The following BCKDHB variants were observed in gnomAD, a reference collection of about 807,000 sequenced individuals.
The protein encoded by BCKDHB is 2-oxoisovalerate dehydrogenase subunit beta, mitochondrial.
BCKDHB carries 41 observed loss-of-function variants against 48.5 expected under a neutral mutation model. That is an observed-to-expected ratio of 0.85 (90% CI 0.66 to 1.10). BCKDHB has a LOEUF of 1.10. BCKDHB is among the 50% of genes least tolerant of loss of function. The probability of loss-of-function intolerance (pLI) is 0.00; values close to 1 mark genes in which losing one functional copy is unlikely to be tolerated. For missense variants in BCKDHB, 496 were observed against 494.2 expected, an observed-to-expected ratio of 1.00 and a Z score of -0.03; for synonymous variants, 201 against 174.8, an observed-to-expected ratio of 1.15 and a Z score of -1.18.
In BCKDHB at chr6:80,343,400, G is replaced by A. The variant is rs73751605; in HGVS notation, c.1039-264G>A. 0.017 allele frequency among the ~76,000 whole-genome samples: 2,536 copies of A among 152,132 alleles called. 67 individuals are homozygous for A. Among genetic ancestry groups the A allele is most frequent in the African/African-American group, 0.058 (2,394 of 41,484 alleles). ...TTTCCATTTATATTCGTAGAACAGC[G>A]TATTTGATATTATCCCAGTTTGGCT... is the stretch of plus-strand genomic sequence containing the variant. On this transcript the variant is annotated intron_variant, in intron 9 of 9. Transcript: ENST00000320393.
the BCKDHB span, among the ~76,000 whole-genome samples, chr6:80,389,900 C>T: frequency 1.3e-5 from 2 of 152,158 alleles, no homozygotes; most frequent in Non-Finnish European, 2.9e-5. Context: ...CTCACCATCA[C>T]CCCTAGTGAT....
At chr6:80,357,776 C>A in the BCKDHB span, among the ~76,000 whole-genome samples, 1 of 152,152 alleles carries the variant, frequency 6.6e-6, no homozygotes, top group Non-Finnish European at 1.5e-5. Context: ...CTCTGAAAGT[C>A]TTCAGTTTTC....
Position 80,106,680 on chromosome 6 carries a change from G to C in BCKDHB, c.-14G>C. On this transcript the variant is annotated 5_prime_UTR_variant, in exon 1 of 10. Coordinates refer to ENST00000320393, the MANE Select transcript of BCKDHB (RefSeq NM_183050.4). ...TGCGGCTGCATAGCCTGAGAATCCC[G>C]GTGGTGAGCGGGGATGGCGGTTGTA... The C allele has an allele frequency of 8.4e-6, 13 of 1,550,814 alleles. No individual in the cohort carries two copies. Among genetic ancestry groups the C allele is most frequent in the Non-Finnish European group, 1.1e-5 (13 of 1,147,736 alleles).
At chr6:80,452,294 G>A in the BCKDHB span, among the ~76,000 whole-genome samples, 10 of 152,204 alleles carry the variant, frequency 6.6e-5, no homozygotes, top group African/African-American at 2.4e-4. Flanking sequence ...ACATGGCAAA[G>A]GCAGGGAATC....
At chr6:80,278,712 C>T (rs1056697518) in intron 9 of BCKDHB, among the ~76,000 whole-genome samples, 3 of 152,182 alleles carry the variant, frequency 2.0e-5, no homozygotes, top group Non-Finnish European at 2.9e-5. Context: ...GCACCTGCCA[C>T]CCTGCCCAGC....
At chr6:80,167,886 C>T in intron 4 of BCKDHB, 75 bp downstream of exon 4, 1 of 1,409,926 alleles carries the variant, frequency 7.1e-7, no homozygotes. Context: ...TCCACCCACC[C>T]TTACCTGCAT....
At chr6:80,291,378 ATTCTTGAG>A (rs1030873283) in intron 9 of BCKDHB, among the ~76,000 whole-genome samples, 1 of 152,198 alleles carries the variant, frequency 6.6e-6, no homozygotes, top group African/African-American at 2.4e-5. Context: ...GCCATTTATA[ATTCTTGAG>A]TTCTGACAGA....
intron 9 of BCKDHB, among the ~76,000 whole-genome samples, chr6:80,293,755 C>T (rs1371514219): frequency 1.3e-5 from 2 of 152,206 alleles, no homozygotes; most frequent in East Asian, 1.9e-4. Flanking sequence ...TTTAACAGCA[C>T]CCAAGTCACC....
the BCKDHB span, among the ~76,000 whole-genome samples, chr6:80,431,744 C>T: frequency 6.6e-6 from 1 of 152,184 alleles, no homozygotes. Context: ...CTCTTGAATA[C>T]AGCACACTGA....
chr6:80,252,921 C>T (rs981143393), intron 8 of BCKDHB, among the ~76,000 whole-genome samples: 20 of 152,080 alleles, frequency 1.3e-4, no homozygotes, highest in African/African-American at 4.8e-4. Context: ...TCTTTCTTCA[C>T]CCCCTCCTCC....
the BCKDHB span, among the ~76,000 whole-genome samples, chr6:80,419,493 G>A: frequency 9.8e-5 from 15 of 152,290 alleles, no homozygotes; most frequent in Non-Finnish European, 1.9e-4. Context: ...GTTTTCCTAT[G>A]GCTAAAGTCT....
intron 3 of BCKDHB, among the ~76,000 whole-genome samples, chr6:80,131,553 C>G (rs769004388): frequency 1.3e-5 from 2 of 152,114 alleles, no homozygotes; most frequent in Admixed American, 1.3e-4. Context: ...AGTCACCACT[C>G]CTTTAGTCTT....
chr6:80,190,656 T>C (rs560866958), intron 6 of BCKDHB, among the ~76,000 whole-genome samples: 1 of 152,340 alleles, frequency 6.6e-6, no homozygotes, highest in Admixed American at 6.5e-5. Flanking sequence ...TGGAGTTTTA[T>C]TTCATAAAAG....
intron 9 of BCKDHB, among the ~76,000 whole-genome samples, chr6:80,333,988 G>A (rs1395029161): frequency 6.6e-6 from 1 of 151,984 alleles, no homozygotes; most frequent in African/African-American, 2.4e-5. Context: ...ATAAAACTGG[G>A]CTCATCTTAT....
At chr6:80,141,789 A>G (rs1771227843) in intron 3 of BCKDHB, among the ~76,000 whole-genome samples, 1 of 152,142 alleles carries the variant, frequency 6.6e-6, no homozygotes, top group Non-Finnish European at 1.5e-5. Flanking sequence ...GTATTAGAAA[A>G]GTAAAAGATC....
intron 1 of BCKDHB, chr6:80,127,288 T>A (rs1770394199): frequency 2.3e-6 from 1 of 427,956 alleles, no homozygotes; most frequent in Admixed American, 3.6e-5. Flanking sequence ...ACGCATTTAG[T>A]CACTTGGTTA....
intron 8 of BCKDHB, among the ~76,000 whole-genome samples, chr6:80,254,066 A>G (rs1018852952): frequency 2.0e-5 from 3 of 151,994 alleles, no homozygotes; most frequent in Non-Finnish European, 4.4e-5. Context: ...TTATCGAGGC[A>G]TGTGCAATGT....
intron 8 of BCKDHB, among the ~76,000 whole-genome samples, chr6:80,260,455 T>A (rs916940204): frequency 1.9e-4 from 29 of 152,124 alleles, no homozygotes; most frequent in African/African-American, 6.3e-4. Context: ...ACTGGAGGGC[T>A]CCTGGTAAGG....
chr6:80,297,954 T>A (rs1470562817), intron 9 of BCKDHB, among the ~76,000 whole-genome samples: 2 of 152,112 alleles, frequency 1.3e-5, no homozygotes, highest in African/African-American at 4.8e-5. Flanking sequence ...TCCTGGGCTT[T>A]TATGAGAAAA....
Sources: allele counts gnomAD v4.1 joint callset (sites outside exome capture counted in the v4.1 genomes callset), GRCh38; gene constraint gnomAD v4.1.1; transcripts MANE v1.5; gene names NCBI Gene and HGNC (gene_info 2026-07-23, HGNC 2026-07-21).